The following RANBP2 variants were observed in gnomAD, a reference collection of about 807,000 sequenced individuals.
RANBP2 encodes the protein E3 SUMO-protein ligase RanBP2.
RANBP2 carries 57 observed loss-of-function variants against 303.6 expected under a neutral mutation model. That is an observed-to-expected ratio of 0.19 (90% CI 0.15 to 0.23). The LOEUF (loss-of-function observed/expected upper bound fraction) is 0.23, where lower values mean the gene tolerates loss of function less well. RANBP2 is among the 10% of genes least tolerant of loss of function. The probability of loss-of-function intolerance (pLI) is 1.00; values close to 1 mark genes in which losing one functional copy is unlikely to be tolerated. For synonymous variants in RANBP2, 1,167 were observed against 1,301.5 expected, an observed-to-expected ratio of 0.90 and a Z score of 2.23; for missense variants, 3,138 against 3,780.8, an observed-to-expected ratio of 0.83 and a Z score of 4.46.
chr2:109,354,308 A>C, the RANBP2 span, among the ~76,000 whole-genome samples: 1 of 152,164 alleles, frequency 6.6e-6, no homozygotes, highest in African/African-American at 2.4e-5. Context: ...CAGAGGCTGA[A>C]GGGGGCCCGG....
the RANBP2 span, among the ~76,000 whole-genome samples, chr2:109,114,126 G>T: frequency 6.6e-6 from 1 of 152,126 alleles, no homozygotes; most frequent in African/African-American, 2.4e-5. Flanking sequence ...CCCAGCTTTG[G>T]TATCAGGATG....
At chr2:108,850,880 C>T in the RANBP2 span, among the ~76,000 whole-genome samples, 1 of 152,034 alleles carries the variant, frequency 6.6e-6, no homozygotes, top group Non-Finnish European at 1.5e-5. Flanking sequence ...GGAGGTTTTT[C>T]CCCACATACC....
the RANBP2 span, among the ~76,000 whole-genome samples, chr2:109,478,814 C>T: frequency 6.6e-6 from 1 of 152,130 alleles, no homozygotes; most frequent in Admixed American, 6.5e-5. Context: ...GAATGAAACC[C>T]GCTCCAGTTA....
At chr2:109,568,920 C>T in the RANBP2 span, among the ~76,000 whole-genome samples, 1 of 152,126 alleles carries the variant, frequency 6.6e-6, no homozygotes, top group South Asian at 2.1e-4. Context: ...ATTTGAAGTC[C>T]TATCACTGAC....
the RANBP2 span, chr2:109,618,998 C>T: frequency 4.2e-5 from 7 of 167,032 alleles, no homozygotes; most frequent in African/African-American, 1.7e-4. Context: ...GAATTTTTCT[C>T]TGAATTGTCT....
the RANBP2 span, chr2:108,882,824 TAAATG>T: frequency 6.6e-6 from 1 of 152,120 alleles, no homozygotes; most frequent in Non-Finnish European, 1.5e-5. Flanking sequence ...CTTCCCTAGA[TAAATG>T]GAACTGTGTG....
the RANBP2 span, among the ~76,000 whole-genome samples, chr2:108,958,682 A>T: frequency 6.6e-6 from 1 of 152,218 alleles, no homozygotes; most frequent in Non-Finnish European, 1.5e-5. Flanking sequence ...TCCAGCTCTC[A>T]GGCCTTTGCA....
At chr2:109,666,046 G>A in the RANBP2 span, among the ~76,000 whole-genome samples, 1 of 151,748 alleles carries the variant, frequency 6.6e-6, no homozygotes, top group Non-Finnish European at 1.5e-5. Context: ...GGGAAGCGGA[G>A]GTTGCAGTGA....
At chr2:109,073,149 C>T in the RANBP2 span, among the ~76,000 whole-genome samples, 1 of 152,146 alleles carries the variant, frequency 6.6e-6, no homozygotes, top group East Asian at 1.9e-4. Flanking sequence ...CACAAAGATG[C>T]TCAGTGAGGT....
At chr2:109,684,626 C>T in the RANBP2 span, among the ~76,000 whole-genome samples, 2 of 151,114 alleles carry the variant, frequency 1.3e-5, no homozygotes, top group African/African-American at 2.4e-5. Context: ...CTCTGTCTCC[C>T]GGGTTCCAGT....
chr2:109,623,725 G>A, the RANBP2 span, among the ~76,000 whole-genome samples: 1 of 152,206 alleles, frequency 6.6e-6, no homozygotes, highest in African/African-American at 2.4e-5. Flanking sequence ...CCAGGAAAGA[G>A]AATGCTTTGG....
At chr2:109,609,566 A>G in the RANBP2 span, among the ~76,000 whole-genome samples, 1 of 149,988 alleles carries the variant, frequency 6.7e-6, no homozygotes, top group Non-Finnish European at 1.5e-5. Flanking sequence ...TTCACTGCCG[A>G]GATCGCGCCA....
At chr2:109,016,889 G>A in the RANBP2 span, among the ~76,000 whole-genome samples, 7 of 152,206 alleles carry the variant, frequency 4.6e-5, no homozygotes, top group African/African-American at 7.2e-5. Context: ...ATGGAGGGAC[G>A]CAGGAGGGGA....
At chr2:109,505,672 C>T in the RANBP2 span, among the ~76,000 whole-genome samples, 1 of 152,184 alleles carries the variant, frequency 6.6e-6, no homozygotes, top group African/African-American at 2.4e-5. Context: ...CCTCCATTTG[C>T]TACGTGAGCA....
intron 1 of RANBP2, among the ~76,000 whole-genome samples, chr2:108,723,841 C>A (rs1694479519): frequency 6.6e-6 from 1 of 152,020 alleles, no homozygotes; most frequent in Non-Finnish European, 1.5e-5. Context: ...CAATTTACAC[C>A]CTCAAATGTG....
the RANBP2 span, among the ~76,000 whole-genome samples, chr2:109,381,251 C>T: frequency 1.3e-5 from 2 of 152,222 alleles, no homozygotes; most frequent in South Asian, 2.1e-4. Flanking sequence ...GGCCTGCAGC[C>T]GGTGGAAGTA....
the RANBP2 span, chr2:109,347,911 G>A: frequency 6.2e-7 from 1 of 1,610,030 alleles, no homozygotes. Flanking sequence ...CGAGATGAAG[G>A]ACAAAGACCA....
chr2:108,881,360 G>A, the RANBP2 span, among the ~76,000 whole-genome samples: 1 of 152,216 alleles, frequency 6.6e-6, no homozygotes, highest in Non-Finnish European at 1.5e-5. Flanking sequence ...TTAGGGCCTT[G>A]CTATGGATTA....
At chr2:109,257,012 C>T in the RANBP2 span, among the ~76,000 whole-genome samples, 17 of 152,190 alleles carry the variant, frequency 1.1e-4, no homozygotes, top group African/African-American at 2.9e-4. Flanking sequence ...TGACCAGGCA[C>T]GGGTCACATT....
Sources: gnomAD v4.1 joint callset for allele counts (sites outside exome capture counted in the v4.1 genomes callset) on GRCh38, gnomAD v4.1.1 for gene constraint, MANE v1.5 for transcripts, NCBI Gene and HGNC (gene_info 2026-07-23, HGNC 2026-07-21) for gene names.